The following FSHR variants were observed in gnomAD, a reference collection of about 807,000 sequenced individuals.
FSHR encodes the protein follicle stimulating hormone receptor.
Under a neutral mutation model 52.1 loss-of-function variants are expected in FSHR, and 46 were observed. That is an observed-to-expected ratio of 0.88 (90% CI 0.70 to 1.13). FSHR has a LOEUF of 1.13. FSHR is among the 50% of genes most tolerant of loss of function. FSHR has a pLI of 0.00. For synonymous variants in FSHR, 399 were observed against 309.6 expected, an observed-to-expected ratio of 1.29 and a Z score of -3.03; for missense variants, 964 against 834.6, an observed-to-expected ratio of 1.16 and a Z score of -1.91.
At chr2:49,032,459 C>T (rs1558401568) in intron 2 of FSHR, among the ~76,000 whole-genome samples, 7 of 152,108 alleles carry the variant, frequency 4.6e-5, no homozygotes. Flanking sequence ...CTTTGCAGTC[C>T]TCTTCTTCAT....
intron 4 of FSHR, among the ~76,000 whole-genome samples, chr2:49,008,109 G>A (rs1573084088): frequency 6.7e-6 from 1 of 148,270 alleles, no homozygotes; most frequent in Non-Finnish European, 1.5e-5. Context: ...CATGTGCCAT[G>A]CTGGTGCACT....
intron 1 of FSHR, among the ~76,000 whole-genome samples, chr2:49,127,518 A>G (rs1415416672): frequency 1.6e-5 from 2 of 123,974 alleles, no homozygotes; most frequent in Middle Eastern, 4.4e-3. Flanking sequence ...GACCACCACA[A>G]TACACACACA....
At chr2:48,986,404 T>TTC in intron 6 of FSHR, among the ~76,000 whole-genome samples, 1 of 151,076 alleles carries the variant, frequency 6.6e-6, no homozygotes, top group South Asian at 2.1e-4. Context: ...TTTTTTTTTT[T>TTC]TTTTTTTCTG....
chr2:49,098,697 T>C (rs1427876485), intron 1 of FSHR, among the ~76,000 whole-genome samples: 3 of 148,864 alleles, frequency 2.0e-5, no homozygotes, highest in Non-Finnish European at 3.0e-5. Context: ...TGTGTATGTG[T>C]ACATATATCT....
chr2:49,085,383 A>G (rs1486799374), intron 1 of FSHR, among the ~76,000 whole-genome samples: 1 of 151,864 alleles, frequency 6.6e-6, no homozygotes, highest in Admixed American at 6.6e-5. Context: ...CCCACAGCCA[A>G]TATCATACTG....
chr2:49,114,469 A>G (rs1254351257), intron 1 of FSHR, among the ~76,000 whole-genome samples: 1 of 152,214 alleles, frequency 6.6e-6, no homozygotes, highest in Non-Finnish European at 1.5e-5. Context: ...AAAAGAATGA[A>G]TGAGAAGGTT....
chr2:49,021,790 C>T (rs1288432123), intron 2 of FSHR, among the ~76,000 whole-genome samples: 1 of 147,290 alleles, frequency 6.8e-6, no homozygotes, highest in African/African-American at 2.5e-5. Context: ...AAAGTCCTCA[C>T]CATTTGCACA....
In FSHR at chr2:48,983,185, T is replaced by TA. The variant is rs1328575153; in HGVS notation, c.525-20dup. 1.2e-6 allele frequency: 2 copies of TA among 1,609,892 alleles called. No individual in the cohort carries two copies. The highest frequency in any genetic ancestry group is 2.2e-5 in the East Asian group (1 of 44,868). ...CAGCCATCTGAAATAAAAGGCCTAT[T>TA]AAAAAACCAATAATGTCAGATGCAA... On this transcript the variant is annotated intron_variant, in intron 6 of 9. Transcript: ENST00000406846.
At position 49,045,274 on chromosome 2, in the gene FSHR, G is replaced by A. The variant is rs552766471; in HGVS notation, c.224+22945C>T. 1.2e-4 allele frequency among the ~76,000 whole-genome samples: 19 copies of A among 152,254 alleles called. No homozygotes were observed. The East Asian group carries it at 3.3e-3, about 26-fold the overall frequency. On this transcript the variant is annotated intron_variant, in intron 2 of 9. Transcript: ENST00000406846. ...ACAGGAATCGTATTTCATAGACCAGGAGCATTGGCTTCACCTGAGAGCTGG... is the reference window on the plus strand; with the variant it reads ...ACAGGAATCGTATTTCATAGACCAGAAGCATTGGCTTCACCTGAGAGCTGG...
In FSHR at chr2:48,975,674, C is replaced by T. The variant is rs148171594; in HGVS notation, c.669-6791G>A. On this transcript the variant is annotated intron_variant, in intron 8 of 9. Coordinates refer to ENST00000406846, the MANE Select transcript of FSHR (RefSeq NM_000145.4). ...TCTCTTATTTCCTCGAGCAGTGGTT[C>T]ACAGTTCTCCTTGAAGAGGTCCTTC... Among the ~76,000 whole-genome samples the T allele has an allele frequency of 2.4e-3, 369 of 152,224 alleles. 1 individual carries two copies. Among genetic ancestry groups the T allele is most frequent in the African/African-American group, 8.6e-3 (357 of 41,546 alleles).
intron 2 of FSHR, among the ~76,000 whole-genome samples, chr2:49,055,544 A>C (rs1669026992): frequency 7.0e-6 from 1 of 143,436 alleles, no homozygotes; most frequent in South Asian, 2.1e-4. Flanking sequence ...AAAAAAAAAA[A>C]AAAAAAAAAA....
intron 2 of FSHR, among the ~76,000 whole-genome samples, chr2:49,051,776 C>T (rs1022975651): frequency 1.4e-5 from 2 of 147,492 alleles, no homozygotes; most frequent in South Asian, 4.2e-4. Flanking sequence ...CTTTGCCTAT[C>T]CCCTGATTGT....
intron 1 of FSHR, among the ~76,000 whole-genome samples, chr2:49,141,983 A>G (rs1193920908): frequency 1.3e-5 from 2 of 152,244 alleles, no homozygotes; most frequent in African/African-American, 2.4e-5. Context: ...GCTACAGTGC[A>G]AAATTGTTGG....
intron 1 of FSHR, among the ~76,000 whole-genome samples, chr2:49,147,382 C>T (rs568986022): frequency 1.3e-5 from 2 of 152,100 alleles, no homozygotes; most frequent in Non-Finnish European, 2.9e-5. Flanking sequence ...GCTAGATAAC[C>T]CAATTAGTGG....
chr2:49,148,439 A>G (rs1365381158), intron 1 of FSHR, among the ~76,000 whole-genome samples: 1 of 152,096 alleles, frequency 6.6e-6, no homozygotes, highest in Non-Finnish European at 1.5e-5. Flanking sequence ...TGAGGAGCAG[A>G]GCAAATAAAC....
In FSHR at chr2:48,963,798, C is replaced by G. The variant is rs924691070; in HGVS notation, c.1023G>C (p.Val341=). ...TEFDYDLCNE[V]VDVTCSPKPD... ...GCTTAGGGGAGCAGGTCACGTCAAC[C>G]ACTTCATTGCATAAGTCATAGTCAA... Residue 341 remains valine (V), a synonymous_variant, in exon 10 of 10, where the codon GTG becomes GTC. Transcript: ENST00000406846. 1.1e-5 allele frequency: 17 copies of G among 1,614,000 alleles called. No individual in the cohort carries two copies. In the African/African-American group the frequency reaches 2.1e-4, roughly 20 times the overall value.
At chr2:49,035,226 C>A (rs965476348) in intron 2 of FSHR, among the ~76,000 whole-genome samples, 2 of 152,224 alleles carry the variant, frequency 1.3e-5, no homozygotes, top group African/African-American at 4.8e-5. Context: ...GGGACAGGGA[C>A]AGAAATGTTA....
intron 4 of FSHR, among the ~76,000 whole-genome samples, chr2:49,002,077 A>G (rs916166427): frequency 2.0e-5 from 3 of 152,114 alleles, no homozygotes; most frequent in Non-Finnish European, 4.4e-5. Flanking sequence ...GAATTCAGTT[A>G]GCATTTCTGA....
chr2:48,973,823 C>G (rs1674856484), intron 8 of FSHR, among the ~76,000 whole-genome samples: 1 of 152,202 alleles, frequency 6.6e-6, no homozygotes, highest in Non-Finnish European at 1.5e-5. Flanking sequence ...TGTTCTCCGA[C>G]TTCCAGAAAT....
Sources: gnomAD v4.1 joint callset for allele counts (sites outside exome capture counted in the v4.1 genomes callset) on GRCh38, gnomAD v4.1.1 for gene constraint, MANE v1.5 for transcripts, NCBI Gene and HGNC (gene_info 2026-07-23, HGNC 2026-07-21) for gene names.